PTPRD: variants seen among roughly 807,000 people sequenced by gnomAD.
The protein encoded by PTPRD is receptor-type tyrosine-protein phosphatase delta.
Under a neutral mutation model 214.5 loss-of-function variants are expected in PTPRD, and 34 were observed. The observed-to-expected ratio is 0.16, with a 90% CI of 0.12 to 0.21. The LOEUF is 0.21. Ranked by LOEUF, PTPRD falls within the 10% of genes least tolerant of loss-of-function variation. The pLI is 1.00. For synonymous variants in PTPRD, 1,128 were observed against 845.7 expected, an observed-to-expected ratio of 1.33 and a Z score of -5.79; for missense variants, 2,545 against 2,398.7, an observed-to-expected ratio of 1.06 and a Z score of -1.27.
chr9:9,619,316 G>A (rs2095092635), intron 7 of PTPRD, among the ~76,000 whole-genome samples: 1 of 151,746 alleles, frequency 6.6e-6, no homozygotes, highest in Non-Finnish European at 1.5e-5. Flanking sequence ...ACAGGAGAAA[G>A]GAAATAAATG....
At chr9:10,214,476 A>C (rs2099531969) in intron 3 of PTPRD, among the ~76,000 whole-genome samples, 1 of 141,788 alleles carries the variant, frequency 7.1e-6, no homozygotes, top group Admixed American at 7.3e-5. Flanking sequence ...GGGTTTCACC[A>C]TGTTGGCCAG....
At chr9:9,257,191 G>A (rs746123296) in intron 9 of PTPRD, among the ~76,000 whole-genome samples, 1 of 152,010 alleles carries the variant, frequency 6.6e-6, no homozygotes, top group Non-Finnish European at 1.5e-5. Flanking sequence ...GAGGAGTTAA[G>A]TGACTTTGCC....
At chr9:9,557,118 T>A (rs1251679668) in intron 8 of PTPRD, among the ~76,000 whole-genome samples, 1 of 152,170 alleles carries the variant, frequency 6.6e-6, no homozygotes, top group African/African-American at 2.4e-5. Flanking sequence ...TTCATTGCCA[T>A]TGTAAACCAA....
intron 6 of PTPRD, among the ~76,000 whole-genome samples, chr9:9,745,104 A>T (rs2098444072): frequency 6.6e-6 from 1 of 152,084 alleles, no homozygotes; most frequent in Non-Finnish European, 1.5e-5. Flanking sequence ...TAACTTAATT[A>T]TTAAAAATTA....
rs769709172 is a variant in PTPRD, at chr9:8,499,764, G to A, written c.2205C>T (p.Pro735=). The A allele has an allele frequency of 2.8e-5, 45 of 1,613,906 alleles. No homozygotes were observed. The highest frequency in any genetic ancestry group is 1.6e-4 in the African/African-American group (12 of 74,884). ...STSVKVSWRS[P]VPNKQHGQIR... ...TCTGGCCATGCTGTTTATTGGGCAC[G>A]GGTGAGCGCCATGAGACTTTAACAG... Residue 735 remains proline (P), a synonymous_variant, in exon 25 of 46, where the codon CCC becomes CCT. Coordinates refer to ENST00000381196, the MANE Select transcript of PTPRD (RefSeq NM_002839.4).
intron 2 of PTPRD, among the ~76,000 whole-genome samples, chr9:10,560,886 G>A (rs2063793375): frequency 6.6e-6 from 1 of 152,158 alleles, no homozygotes; most frequent in Non-Finnish European, 1.5e-5. Context: ...CCATCACTGT[G>A]GAAAGTTCTG....
chr9:9,861,170 CAT>C (rs1243189422), intron 5 of PTPRD, among the ~76,000 whole-genome samples: 1 of 152,300 alleles, frequency 6.6e-6, no homozygotes, highest in Non-Finnish European at 1.5e-5. Flanking sequence ...ATTTCTATCA[CAT>C]GAGTGTATTG....
chr9:10,167,947 T>C (rs927193972), intron 3 of PTPRD, among the ~76,000 whole-genome samples: 4 of 152,314 alleles, frequency 2.6e-5, no homozygotes, highest in South Asian at 2.1e-4. Context: ...CTGCAGTGCA[T>C]TGCAACTTGA....
intron 2 of PTPRD, among the ~76,000 whole-genome samples, chr9:10,524,722 T>C (rs1036058367): frequency 6.6e-6 from 1 of 152,112 alleles, no homozygotes; most frequent in African/African-American, 2.4e-5. Flanking sequence ...CCTAGTAACG[T>C]ATAATCTCAC....
intron 3 of PTPRD, among the ~76,000 whole-genome samples, chr9:10,078,915 GC>G (rs2098183454): frequency 6.6e-6 from 1 of 151,982 alleles, no homozygotes; most frequent in Non-Finnish European, 1.5e-5. Flanking sequence ...CCATCTGGTT[GC>G]CTTCTTCTGA....
At chr9:9,400,508 A>G (rs1265863591) in intron 8 of PTPRD, among the ~76,000 whole-genome samples, 3 of 151,976 alleles carry the variant, frequency 2.0e-5, no homozygotes, top group African/African-American at 7.2e-5. Flanking sequence ...CTAATTCGCT[A>G]CCTTTATCTA....
At chr9:8,868,053 G>T in intron 11 of PTPRD, among the ~76,000 whole-genome samples, 1 of 152,128 alleles carries the variant, frequency 6.6e-6, no homozygotes, top group East Asian at 1.9e-4. Flanking sequence ...CCAAATGTTT[G>T]GACTTGCAAA....
chr9:8,427,319 G>C (rs932157730), intron 35 of PTPRD, among the ~76,000 whole-genome samples: 1 of 152,110 alleles, frequency 6.6e-6, no homozygotes, highest in African/African-American at 2.4e-5. Flanking sequence ...TGGGGATGTC[G>C]ACTGGAAAAA....
chr9:9,720,671 G>A (rs1035287090), intron 7 of PTPRD, among the ~76,000 whole-genome samples: 4 of 152,094 alleles, frequency 2.6e-5, no homozygotes, highest in Non-Finnish European at 5.9e-5. Flanking sequence ...AAATAAGAGT[G>A]TTCATAAACA....
At chr9:9,624,606 T>A (rs1230670062) in intron 7 of PTPRD, among the ~76,000 whole-genome samples, 5 of 152,174 alleles carry the variant, frequency 3.3e-5, no homozygotes, top group African/African-American at 1.2e-4. Context: ...GTAGCTGTTG[T>A]TTTAACCACC....
At chr9:10,578,690 C>T (rs2070511298) in intron 2 of PTPRD, among the ~76,000 whole-genome samples, 1 of 152,170 alleles carries the variant, frequency 6.6e-6, no homozygotes. Context: ...CAGTAACACA[C>T]TACAGCATTG....
At chr9:9,790,566 T>C (rs776207344) in intron 5 of PTPRD, among the ~76,000 whole-genome samples, 42 of 152,238 alleles carry the variant, frequency 2.8e-4, no homozygotes, top group Non-Finnish European at 5.3e-4. Flanking sequence ...ATAGATATTT[T>C]CTTCCTATGA....
intron 3 of PTPRD, among the ~76,000 whole-genome samples, chr9:10,123,956 T>C (rs1171140315): frequency 6.6e-6 from 1 of 152,218 alleles, no homozygotes; most frequent in Non-Finnish European, 1.5e-5. Context: ...ATGTGTTCTT[T>C]ACAACAATTT....
intron 11 of PTPRD, among the ~76,000 whole-genome samples, chr9:8,821,001 C>G (rs1376363362): frequency 6.6e-6 from 1 of 152,158 alleles, no homozygotes; most frequent in Admixed American, 6.6e-5. Context: ...ATTAGTCGCA[C>G]TTGAAACTTT....
Sources: allele counts gnomAD v4.1 joint callset (sites outside exome capture counted in the v4.1 genomes callset), GRCh38; gene constraint gnomAD v4.1.1; transcripts MANE v1.5; gene names NCBI Gene and HGNC (gene_info 2026-07-23, HGNC 2026-07-21).